Variants in HDHD2 observed in about 807,000 individuals in gnomAD.
HDHD2 encodes haloacid dehalogenase like hydrolase domain containing 2.
HDHD2 carries 26 observed loss-of-function variants against 24.8 expected under a neutral mutation model. That is an observed-to-expected ratio of 1.05 (90% CI 0.77 to 1.45). HDHD2 has a LOEUF of 1.45. HDHD2 is among the 40% of genes most tolerant of loss of function. HDHD2 has a pLI of 0.00. For missense variants in HDHD2, 299 were observed against 313.4 expected (o/e 0.95, Z 0.35); for synonymous variants, 128 against 114.9 (o/e 1.11, Z -0.73).
At chr18:47,120,390 C>T (rs533136975) in intron 4 of HDHD2, among the ~76,000 whole-genome samples, 1 of 152,322 alleles carries the variant, frequency 6.6e-6, no homozygotes, top group East Asian at 1.9e-4. Context: ...CTTCATGAAC[C>T]ATCCTCTGCT....
intron 4 of HDHD2, among the ~76,000 whole-genome samples, chr18:47,127,386 C>T (rs908727819): frequency 1.3e-5 from 2 of 152,060 alleles, no homozygotes; most frequent in South Asian, 4.2e-4. Context: ...AACAAAGAAA[C>T]TGGCTATGTG....
Position 47,115,204 on chromosome 18 carries a change from T to C in HDHD2, c.540A>G (p.Pro180=), listed in dbSNP as rs775481709. ...TDTKATVVGK[P]EKTFFLEALR... is the part of the protein sequence containing the mutation. ...ATGCTTCCAAAAAGAACGTCTTCTC[T>C]GGTTTCCCCACGACTGTGGCTTTGG... Residue 180 remains proline, a synonymous_variant, in exon 5 of 7, where the codon CCA becomes CCG. Transcript: ENST00000300605. The C allele has an allele frequency of 3.1e-6, 5 of 1,614,022 alleles. No individual in the cohort carries two copies. The highest frequency in any genetic ancestry group is 2.2e-5 in the South Asian group (2 of 91,080).
At chr18:47,133,794 G>C (rs2063736687) in intron 3 of HDHD2, among the ~76,000 whole-genome samples, 1 of 152,108 alleles carries the variant, frequency 6.6e-6, no homozygotes, top group Non-Finnish European at 1.5e-5. Context: ...AGAAGTGTCT[G>C]TTCATATCCT....
At chr18:47,130,104 G>A (rs11876118) in intron 4 of HDHD2, 140 bp downstream of exon 4, 16,230 of 532,318 alleles carry the variant, frequency 0.03, 329 homozygotes, top group Non-Finnish European at 0.04. Flanking sequence ...ATTATTTGAT[G>A]CTGATCTTGA....
chr18:47,116,774 G>A (rs1459411611), intron 4 of HDHD2, among the ~76,000 whole-genome samples: 2 of 152,046 alleles, frequency 1.3e-5, no homozygotes, highest in Non-Finnish European at 2.9e-5. Context: ...ACTCTACCAC[G>A]GAACTAGAAT....
Position 47,108,440 on chromosome 18 carries a change from C to A in HDHD2, c.*242G>T, listed in dbSNP as rs1209393550. On this transcript the variant is annotated 3_prime_UTR_variant, in exon 7 of 7. Transcript: ENST00000300605. The stretch of plus-strand genomic sequence containing the variant: ...CTGATGAATATTTTAAAAGGAATGG[C>A]ACAAAATCTCAGCTTTCCCTTTCTT... 3 of 375,664 alleles carry A rather than the reference C, an allele frequency of 8.0e-6. No individual in the cohort carries two copies. The highest frequency in any genetic ancestry group is 1.4e-5 in the Non-Finnish European group (3 of 212,796). 23.3% of individuals were successfully genotyped at this position (375,664 alleles called of 1,614,324 possible). A position where few individuals can be genotyped will look rare whatever the true frequency, so the allele number is the denominator to read the frequency against.
intron 1 of HDHD2, among the ~76,000 whole-genome samples, chr18:47,140,169 A>G (rs1256091604): frequency 6.6e-6 from 1 of 152,208 alleles, no homozygotes; most frequent in Non-Finnish European, 1.5e-5. Flanking sequence ...TCAACATTGT[A>G]TTTCTGAGAT....
intron 6 of HDHD2, chr18:47,111,809 T>A: frequency 1.0e-6 from 1 of 985,288 alleles, no homozygotes; most frequent in Non-Finnish European, 1.2e-6. Context: ...CAAAACAGAT[T>A]TCAAGCAACC....
chr18:47,111,753 T>C (rs1455667806), intron 6 of HDHD2: 1 of 985,024 alleles, frequency 1.0e-6, no homozygotes, highest in East Asian at 1.1e-4. Context: ...ACATACTTCT[T>C]ATTCAATTGT....
chr18:47,130,399 CT>C, intron 3 of HDHD2, 71 bp from the exon 4 acceptor site: 1 of 1,008,976 alleles, frequency 9.9e-7, no homozygotes, highest in Non-Finnish European at 1.5e-6. Flanking sequence ...AAAAAGTAGT[CT>C]TAGTCAATCA....
intron 1 of HDHD2, among the ~76,000 whole-genome samples, chr18:47,147,236 C>A (rs2144399238): frequency 6.6e-6 from 1 of 152,226 alleles, no homozygotes; most frequent in East Asian, 1.9e-4. Flanking sequence ...AAGAAGACTG[C>A]AGAGGTTAAA....
chr18:47,136,588 G>T (rs1218377550), intron 1 of HDHD2, 139 bp from the exon 2 acceptor site: 3 of 587,414 alleles, frequency 5.1e-6, no homozygotes, highest in Admixed American at 4.0e-5. Flanking sequence ...GAGAAAACTG[G>T]TTTTAAAAAT....
At chr18:47,125,815 T>A (rs958423321) in intron 4 of HDHD2, among the ~76,000 whole-genome samples, 1 of 152,216 alleles carries the variant, frequency 6.6e-6, no homozygotes, top group Non-Finnish European at 1.5e-5. Flanking sequence ...CATAGGTATA[T>A]CTATGTGTAA....
At chr18:47,120,952 T>C (rs1277447053) in intron 4 of HDHD2, among the ~76,000 whole-genome samples, 1 of 151,952 alleles carries the variant, frequency 6.6e-6, no homozygotes, top group Non-Finnish European at 1.5e-5. Context: ...ACACCAAAGA[T>C]CACTGATCAC....
At chr18:47,132,244 G>C (rs973414807) in intron 3 of HDHD2, among the ~76,000 whole-genome samples, 2 of 152,028 alleles carry the variant, frequency 1.3e-5, no homozygotes, top group Non-Finnish European at 2.9e-5. Flanking sequence ...CCTATGCAGA[G>C]CACTCTTTAT....
In HDHD2 at chr18:47,134,597, T is replaced by C; in HGVS notation, c.209A>G (p.Asp70Gly). ...LRKLEFDISE[D>G]EIFTSLTAAR... The stretch of plus-strand genomic sequence containing the variant: ...TGCAGTCAGAGATGTGAATATTTCA[T>C]CTTCAGAGATATCAAATTCCAATTT... Residue 70 changes from aspartate to glycine, a missense_variant, in exon 3 of 7, where the codon GAT becomes GGT. By Grantham distance (94) the Asp-to-Gly change is moderately conservative (BLOSUM62 -1). Coordinates refer to ENST00000300605, the MANE Select transcript of HDHD2 (RefSeq NM_032124.5). The C allele has an allele frequency of 6.2e-7, 1 of 1,614,156 alleles. No homozygotes were observed. Among genetic ancestry groups the C allele is most frequent in the Non-Finnish European group, 8.5e-7 (1 of 1,179,964 alleles).
intron 6 of HDHD2, chr18:47,111,618 A>T: frequency 5.1e-6 from 5 of 985,340 alleles, no homozygotes; most frequent in Non-Finnish European, 6.0e-6. Flanking sequence ...TGACTGAGAC[A>T]TTCGAAAAAA....
chr18:47,122,802 A>T (rs1665355549), intron 4 of HDHD2, among the ~76,000 whole-genome samples: 1 of 152,228 alleles, frequency 6.6e-6, no homozygotes, highest in African/African-American at 2.4e-5. Context: ...CGAATACTAC[A>T]CATCCAAAGT....
At chr18:47,139,945 TAAG>T (rs763890644) in intron 1 of HDHD2, among the ~76,000 whole-genome samples, 24 of 152,312 alleles carry the variant, frequency 1.6e-4, no homozygotes, top group Middle Eastern at 6.8e-3. Flanking sequence ...ATCCCCAACT[TAAG>T]AACAGAACTA....
Sources: allele counts gnomAD v4.1 joint callset (sites outside exome capture counted in the v4.1 genomes callset), GRCh38; gene constraint gnomAD v4.1.1; transcripts MANE v1.5; gene names NCBI Gene and HGNC (gene_info 2026-07-23, HGNC 2026-07-21).